The following MECOM variants were observed in gnomAD, a reference collection of about 807,000 sequenced individuals.
MECOM encodes histone-lysine N-methyltransferase MECOM.
MECOM carries 13 observed loss-of-function variants against 116.3 expected under a neutral mutation model. The observed-to-expected ratio is 0.11, with a 90% CI of 0.07 to 0.18. The LOEUF (loss-of-function observed/expected upper bound fraction) is 0.18, where lower values mean the gene tolerates loss of function less well. MECOM is among the 10% of genes least tolerant of loss of function. The pLI is 1.00. For missense variants in MECOM, 1,299 were observed against 1,509.0 expected, an observed-to-expected ratio of 0.86 and a Z score of 2.31; for synonymous variants, 528 against 535.2, an observed-to-expected ratio of 0.99 and a Z score of 0.19.
rs565342138 is a variant in MECOM, at chr3:169,154,445, C to T, written c.376-10613G>A. Among the ~76,000 whole-genome samples, 67 of 152,262 alleles carry T rather than the reference C, an allele frequency of 4.4e-4. 1 individual carries two copies. The highest frequency in any genetic ancestry group is 1.6e-3 in the African/African-American group (66 of 41,562). On this transcript the variant is annotated intron_variant, in intron 2 of 16. Transcript: ENST00000651503. ...TGAAAAAAAAATGGATCAGGTCCTTCCTTGACTTCCATTCTCACCTAGTTT... is the reference window on the plus strand; with the variant it reads ...TGAAAAAAAAATGGATCAGGTCCTTTCTTGACTTCCATTCTCACCTAGTTT...
rs550549260 is a variant in MECOM, at chr3:169,141,443, T to G, written c.510+2255A>C. 3.4e-4 allele frequency among the ~76,000 whole-genome samples: 52 copies of G among 152,000 alleles called. 1 individual carries two copies. Among genetic ancestry groups the G allele is most frequent in the African/African-American group, 1.3e-3 (52 of 41,502 alleles). On this transcript the variant is annotated intron_variant, in intron 3 of 16. Transcript: ENST00000651503. ...TAAATAATACCTCCCACAATGGGAGTGTTCATTATGTGATGAGTTGTGCTT... is the reference window on the plus strand; with the variant it reads ...TAAATAATACCTCCCACAATGGGAGGGTTCATTATGTGATGAGTTGTGCTT...
intron 1 of MECOM, among the ~76,000 whole-genome samples, chr3:169,516,396 C>T (rs547549996): frequency 6.6e-6 from 1 of 152,142 alleles, no homozygotes; most frequent in South Asian, 2.1e-4. Flanking sequence ...TTTCCTTCTA[C>T]ATAGATCATA....
chr3:169,632,552 G>T (rs1296537249), intron 1 of MECOM, among the ~76,000 whole-genome samples: 2 of 152,162 alleles, frequency 1.3e-5, no homozygotes, highest in African/African-American at 2.4e-5. Context: ...GTCCAAAGAG[G>T]TGATGAAGAT....
At chr3:169,534,245 TA>T in intron 1 of MECOM, among the ~76,000 whole-genome samples, 1 of 152,364 alleles carries the variant, frequency 6.6e-6, no homozygotes, top group Non-Finnish European at 1.5e-5. Context: ...GAAAAATACT[TA>T]ACATCCCCTC....
intron 1 of MECOM, among the ~76,000 whole-genome samples, chr3:169,525,460 T>C (rs1055239308): frequency 6.6e-6 from 1 of 152,212 alleles, no homozygotes; most frequent in Non-Finnish European, 1.5e-5. Flanking sequence ...TGTAGGGAGT[T>C]CAGGACAGCT....
chr3:169,482,173 A>G (rs188806589), intron 1 of MECOM, among the ~76,000 whole-genome samples: 4 of 152,220 alleles, frequency 2.6e-5, no homozygotes, highest in East Asian at 1.9e-4. Context: ...ACTAAAAAAA[A>G]GGGGTCTAAA....
intron 1 of MECOM, among the ~76,000 whole-genome samples, chr3:169,548,858 G>A (rs1166732757): frequency 6.6e-6 from 1 of 152,096 alleles, no homozygotes; most frequent in African/African-American, 2.4e-5. Flanking sequence ...AATTATAATA[G>A]GTACATGTCA....
At chr3:169,548,432 G>C (rs1226269577) in intron 1 of MECOM, among the ~76,000 whole-genome samples, 1 of 152,178 alleles carries the variant, frequency 6.6e-6, no homozygotes, top group Non-Finnish European at 1.5e-5. Flanking sequence ...GGCCCTATAT[G>C]ATTCATAGGT....
intron 2 of MECOM, among the ~76,000 whole-genome samples, chr3:169,344,898 C>T (rs1355552047): frequency 6.6e-6 from 1 of 152,092 alleles, no homozygotes; most frequent in Non-Finnish European, 1.5e-5. Context: ...AGGTAAGAGA[C>T]ATCACATAGT....
At chr3:169,624,210 A>G (rs1427107762) in intron 1 of MECOM, among the ~76,000 whole-genome samples, 4 of 152,182 alleles carry the variant, frequency 2.6e-5, no homozygotes, top group Non-Finnish European at 4.4e-5. Flanking sequence ...GAATTTCACA[A>G]CTGGGAAACT....
intron 1 of MECOM, among the ~76,000 whole-genome samples, chr3:169,455,660 T>C (rs1746354684): frequency 6.6e-6 from 1 of 152,148 alleles, no homozygotes; most frequent in Non-Finnish European, 1.5e-5. Context: ...ACAGTAAACA[T>C]GTGAACAAAC....
At chr3:169,145,122 C>T in intron 2 of MECOM, 1 of 923,964 alleles carries the variant, frequency 1.1e-6, no homozygotes, top group Non-Finnish European at 1.6e-6. Context: ...AAAAATCGAA[C>T]ATAAGATAGG....
chr3:169,400,291 C>CA (rs1303175205), intron 1 of MECOM, among the ~76,000 whole-genome samples: 2 of 152,090 alleles, frequency 1.3e-5, no homozygotes, highest in Non-Finnish European at 2.9e-5. Flanking sequence ...AAGAATAGAT[C>CA]AAAATCATGC....
At chr3:169,231,741 G>C (rs929763992) in intron 2 of MECOM, among the ~76,000 whole-genome samples, 3 of 151,482 alleles carry the variant, frequency 2.0e-5, no homozygotes, top group Non-Finnish European at 4.4e-5. Flanking sequence ...ATATCAGGAG[G>C]TGGAAGACAA....
At chr3:169,439,010 C>A (rs964699261) in intron 1 of MECOM, among the ~76,000 whole-genome samples, 4 of 151,268 alleles carry the variant, frequency 2.6e-5, no homozygotes, top group South Asian at 2.1e-4. Context: ...TAAAATAAGA[C>A]CTTCTGTTCA....
At chr3:169,444,349 C>T (rs564264189) in intron 1 of MECOM, among the ~76,000 whole-genome samples, 3 of 152,178 alleles carry the variant, frequency 2.0e-5, no homozygotes, top group Non-Finnish European at 4.4e-5. Context: ...TGAATTCTAT[C>T]TCCCAGAATT....
At chr3:169,196,371 A>G (rs1341282839) in intron 2 of MECOM, among the ~76,000 whole-genome samples, 1 of 152,078 alleles carries the variant, frequency 6.6e-6, no homozygotes, top group Non-Finnish European at 1.5e-5. Context: ...TAAAGTTGCT[A>G]GAGGCACAAA....
chr3:169,371,047 T>C (rs1730016675), intron 2 of MECOM, among the ~76,000 whole-genome samples: 1 of 152,006 alleles, frequency 6.6e-6, no homozygotes, highest in Admixed American at 6.6e-5. Flanking sequence ...GCCATCTCAA[T>C]GAGATGTCTG....
chr3:169,219,490 G>A (rs1247978714), intron 2 of MECOM, among the ~76,000 whole-genome samples: 2 of 152,208 alleles, frequency 1.3e-5, no homozygotes, highest in Admixed American at 6.5e-5. Flanking sequence ...CTGGGCGACA[G>A]AGCGAGACTC....
Sources: gnomAD v4.1 joint callset for allele counts (sites outside exome capture counted in the v4.1 genomes callset) on GRCh38, gnomAD v4.1.1 for gene constraint, MANE v1.5 for transcripts, NCBI Gene and HGNC (gene_info 2026-07-23, HGNC 2026-07-21) for gene names.